Variants in C8orf34 observed in about 807,000 individuals in gnomAD.
The protein encoded by C8orf34 is uncharacterized protein C8orf34.
In C8orf34, 65 loss-of-function variants were observed where a neutral mutation model predicts 68.3. The observed-to-expected ratio is 0.95, with a 90% CI of 0.78 to 1.17. The LOEUF (loss-of-function observed/expected upper bound fraction) is 1.17. Among genes scored for constraint, C8orf34 ranks in the 50% most tolerant of loss-of-function variants. C8orf34 has a pLI of 0.00. For missense variants in C8orf34, 664 were observed against 655.4 expected (o/e 1.01, Z -0.14); for synonymous variants, 244 against 241.2 (o/e 1.01, Z -0.11).
chr8:68,620,834 T>A (rs1818368713), intron 7 of C8orf34, among the ~76,000 whole-genome samples: 1 of 151,824 alleles, frequency 6.6e-6, no homozygotes, highest in African/African-American at 2.4e-5. Context: ...GAGAGCAAGG[T>A]CAGATTATTT....
intron 8 of C8orf34, among the ~76,000 whole-genome samples, chr8:68,700,872 G>A (rs1243835629): frequency 6.6e-6 from 1 of 152,046 alleles, no homozygotes; most frequent in East Asian, 1.9e-4. Context: ...TTCTAAAAAT[G>A]GAAATTTAAC....
intron 6 of C8orf34, among the ~76,000 whole-genome samples, chr8:68,528,212 C>A (rs1405988447): frequency 6.6e-6 from 1 of 152,128 alleles, no homozygotes; most frequent in African/African-American, 2.4e-5. Flanking sequence ...CTACTCTTCG[C>A]CATGTATCTT....
At chr8:68,680,315 C>T (rs1189843173) in intron 8 of C8orf34, among the ~76,000 whole-genome samples, 1 of 152,108 alleles carries the variant, frequency 6.6e-6, no homozygotes, top group Non-Finnish European at 1.5e-5. Flanking sequence ...TGAAAAAGTG[C>T]TTAACAACAC....
rs76252670 is a variant in C8orf34, at chr8:68,514,579, A to G, written c.766-7220A>G. ...TTGCATTCAAATGATGTCTTGTTCC[A>G]TTTCAGCTAGAAGTATTAAATATTT... On this transcript the variant is annotated intron_variant, in intron 5 of 13. Transcript: ENST00000518698. Among the ~76,000 whole-genome samples, 257 of 152,244 alleles carry G rather than the reference A, an allele frequency of 1.7e-3. 6 individuals are homozygous for G. In the East Asian group the frequency reaches 0.047, roughly 28 times the overall value.
chr8:68,418,666 G>A (rs1309620534), intron 1 of C8orf34, among the ~76,000 whole-genome samples: 2 of 152,168 alleles, frequency 1.3e-5, no homozygotes, highest in South Asian at 4.1e-4. Context: ...GAGCCCTCAG[G>A]AATAACACCG....
intron 4 of C8orf34, among the ~76,000 whole-genome samples, chr8:68,485,763 CAA>C (rs1813054875): frequency 6.7e-6 from 1 of 148,694 alleles, no homozygotes; most frequent in Non-Finnish European, 1.5e-5. Flanking sequence ...AAAAATAAAT[CAA>C]GAGGTTAAGA....
At position 68,808,902 on chromosome 8, in the gene C8orf34, A is replaced by G. The variant is rs144955311; in HGVS notation, c.1550-6984A>G. ...ATTGACATAATATTCTTACTCCTTT[A>G]TATAGTTTTGTTGCCAGCCACTTAA... On this transcript the variant is annotated intron_variant, in intron 12 of 13. Coordinates refer to ENST00000518698, the MANE Select transcript of C8orf34 (RefSeq NM_052958.4). 2.5e-3 allele frequency among the ~76,000 whole-genome samples: 376 copies of G among 151,248 alleles called. 2 individuals carry two copies. The highest frequency in any genetic ancestry group is 8.9e-3 in the African/African-American group (364 of 40,960).
chr8:68,658,381 T>C (rs1233545679), intron 8 of C8orf34, among the ~76,000 whole-genome samples: 4 of 152,306 alleles, frequency 2.6e-5, no homozygotes, highest in Non-Finnish European at 4.4e-5. Flanking sequence ...GCCATCATTG[T>C]TGCTGGTGGA....
chr8:68,683,084 A>C (rs1181958266), intron 8 of C8orf34, among the ~76,000 whole-genome samples: 1 of 151,940 alleles, frequency 6.6e-6, no homozygotes, highest in African/African-American at 2.4e-5. Flanking sequence ...TATTGAACAG[A>C]AGGAAATGAG....
chr8:68,677,347 C>T (rs1820223242), intron 8 of C8orf34, among the ~76,000 whole-genome samples: 1 of 151,934 alleles, frequency 6.6e-6, no homozygotes, highest in African/African-American at 2.4e-5. Flanking sequence ...AATAAACAAC[C>T]TAATGATGCA....
At chr8:68,478,585 AG>A (rs1812722451) in intron 4 of C8orf34, among the ~76,000 whole-genome samples, 1 of 152,236 alleles carries the variant, frequency 6.6e-6, no homozygotes, top group African/African-American at 2.4e-5. Context: ...ACTGCTATAA[AG>A]AAATGCCTGA....
At chr8:68,722,187 A>C (rs146420593) in intron 10 of C8orf34, among the ~76,000 whole-genome samples, 4 of 152,032 alleles carry the variant, frequency 2.6e-5, no homozygotes, top group African/African-American at 9.7e-5. Context: ...TTTACCTTGC[A>C]GATAAATGTC....
intron 8 of C8orf34, among the ~76,000 whole-genome samples, chr8:68,700,027 G>A (rs1468795580): frequency 6.6e-6 from 1 of 152,054 alleles, no homozygotes; most frequent in Non-Finnish European, 1.5e-5. Context: ...CAGAATGTAA[G>A]GGCAGTCCTC....
At chr8:68,745,925 A>C (rs946499444) in intron 10 of C8orf34, among the ~76,000 whole-genome samples, 1 of 152,206 alleles carries the variant, frequency 6.6e-6, no homozygotes, top group Non-Finnish European at 1.5e-5. Context: ...AGATCAACAG[A>C]ATATACATTT....
At chr8:68,796,199 C>T (rs1016393976) in intron 12 of C8orf34, among the ~76,000 whole-genome samples, 1 of 152,108 alleles carries the variant, frequency 6.6e-6, no homozygotes, top group African/African-American at 2.4e-5. Context: ...GAGATTCAGC[C>T]GTTTTTCTTG....
rs372651508 is a variant in C8orf34 at position 68,415,773 on chromosome 8, G to A, written c.328-23726G>A. Reference sequence around the variant, plus strand: ...TTGATCTGTCTTCCTTTCAGGGATAGTAAGAAGACTTGTTCAGCAAATGCT... The same window carrying A: ...TTGATCTGTCTTCCTTTCAGGGATAATAAGAAGACTTGTTCAGCAAATGCT... On this transcript the variant is annotated intron_variant, in intron 1 of 13. Coordinates refer to ENST00000518698, the MANE Select transcript of C8orf34 (RefSeq NM_052958.4). Among the ~76,000 whole-genome samples the A allele has an allele frequency of 7.1e-4, 108 of 152,342 alleles. 1 individual carries two copies. Among genetic ancestry groups the A allele is most frequent in the African/African-American group, 2.4e-3 (98 of 41,584 alleles).
At chr8:68,424,618 T>C (rs1429175274) in intron 1 of C8orf34, among the ~76,000 whole-genome samples, 2 of 151,986 alleles carry the variant, frequency 1.3e-5, no homozygotes, top group South Asian at 2.1e-4. Context: ...AGCTAAGAAA[T>C]AGAGATTGTA....
At chr8:68,434,585 G>A (rs1407480408) in intron 1 of C8orf34, among the ~76,000 whole-genome samples, 5 of 151,966 alleles carry the variant, frequency 3.3e-5, no homozygotes, top group South Asian at 2.1e-4. Context: ...CTTTGCTATC[G>A]TAAATAGTGC....
At chr8:68,649,129 T>C (rs746965723) in intron 8 of C8orf34, among the ~76,000 whole-genome samples, 47 of 152,208 alleles carry the variant, frequency 3.1e-4, no homozygotes, top group African/African-American at 1.0e-3. Context: ...AAAGGATTAC[T>C]ATCACTTGTT....
Sources: gnomAD v4.1 joint callset for allele counts (sites outside exome capture counted in the v4.1 genomes callset) on GRCh38, gnomAD v4.1.1 for gene constraint, MANE v1.5 for transcripts, NCBI Gene and HGNC (gene_info 2026-07-23, HGNC 2026-07-21) for gene names.